Variants in SLC22A23 observed in about 807,000 individuals in gnomAD.
SLC22A23 encodes the protein ion transporter protein.
A neutral mutation model predicts 61.0 loss-of-function variants in SLC22A23; 26 were observed. That is an observed-to-expected ratio of 0.43 (90% CI 0.31 to 0.59). The LOEUF (loss-of-function observed/expected upper bound fraction) is 0.59. Among genes scored for constraint, SLC22A23 ranks in the 20% least tolerant of loss-of-function variants. The probability of loss-of-function intolerance (pLI) is 0.11; values close to 1 mark genes in which losing one functional copy is unlikely to be tolerated. For synonymous variants in SLC22A23, 430 were observed against 413.9 expected (o/e 1.04, Z -0.47); for missense variants, 796 against 934.7 (o/e 0.85, Z 1.94).
intron 3 of SLC22A23, among the ~76,000 whole-genome samples, chr6:3,388,101 T>C (rs904812681): frequency 2.0e-5 from 3 of 152,258 alleles, no homozygotes; most frequent in East Asian, 3.9e-4. Context: ...AATGGCTCAC[T>C]GGCCTAGATG....
chr6:3,306,991 C>T (rs996277232), intron 4 of SLC22A23, among the ~76,000 whole-genome samples: 6 of 152,198 alleles, frequency 3.9e-5, no homozygotes, highest in East Asian at 3.9e-4. Flanking sequence ...GTCTGCAGCG[C>T]GGTATGGATA....
At chr6:3,455,034 T>G (rs1157600713) in intron 1 of SLC22A23, among the ~76,000 whole-genome samples, 5 of 152,212 alleles carry the variant, frequency 3.3e-5, no homozygotes, top group Admixed American at 2.0e-4. Flanking sequence ...TGATATCTCT[T>G]ATATGTTAAG....
chr6:3,287,776 C>T (rs549104347), intron 6 of SLC22A23, among the ~76,000 whole-genome samples: 2 of 152,170 alleles, frequency 1.3e-5, no homozygotes, highest in Admixed American at 6.5e-5. Flanking sequence ...CTCCCCCTCC[C>T]TGGTTCAAGT....
intron 1 of SLC22A23, among the ~76,000 whole-genome samples, chr6:3,440,945 A>G (rs959038191): frequency 3.3e-5 from 5 of 152,350 alleles, no homozygotes; most frequent in African/African-American, 1.2e-4. Context: ...AGGGAGGTCA[A>G]CTGAAATTCC....
Position 3,298,157 on chromosome 6 carries a change from GC to G in SLC22A23, c.1143del (p.Arg381SerfsTer2). On this transcript the variant is annotated frameshift_variant, in exon 5 of 10. Coordinates refer to ENST00000406686, the MANE Select transcript of SLC22A23 (RefSeq NM_015482.2). LOFTEE classifies it high-confidence loss of function. ...TTCTTCTGTGTGAAGTGGAGGATCA[GC>G]CTCTTTGCAGACTCAAACTGCTGGG... ...MATQQFESAK[R>X]LILHFTQKNR... 1 of 1,592,580 alleles carries G rather than the reference GC, an allele frequency of 6.3e-7. No homozygotes were observed. Among genetic ancestry groups the G allele is most frequent in the Non-Finnish European group, 8.5e-7 (1 of 1,171,962 alleles).
In SLC22A23 at chr6:3,372,169, A is replaced by G. The variant is rs1766260609; in HGVS notation, c.913+38019T>C. Among the ~76,000 whole-genome samples, 1 of 152,216 alleles carries G rather than the reference A, an allele frequency of 6.6e-6. No homozygotes were observed. Among genetic ancestry groups the G allele is most frequent in the Non-Finnish European group, 1.5e-5 (1 of 68,040 alleles). ...GATCTGAGCTCTGCCTCGAGGGCACAGACTCCTGTGATGAGGCTGGACCAC... is the reference window on the plus strand; with the variant it reads ...GATCTGAGCTCTGCCTCGAGGGCACGGACTCCTGTGATGAGGCTGGACCAC... On this transcript the variant is annotated intron_variant, in intron 3 of 9. Coordinates refer to ENST00000406686, the MANE Select transcript of SLC22A23 (RefSeq NM_015482.2). The surrounding 1 kb of genome is among the most constrained non-coding windows in gnomAD (Gnocchi z 4.7).
intron 3 of SLC22A23, among the ~76,000 whole-genome samples, chr6:3,362,799 T>A (rs923545666): frequency 3.3e-5 from 5 of 152,088 alleles, no homozygotes; most frequent in Non-Finnish European, 7.3e-5. Context: ...AGAGGAAGCA[T>A]GAATGAAATG....
intron 4 of SLC22A23, among the ~76,000 whole-genome samples, chr6:3,301,185 A>G (rs778543168): frequency 6.6e-6 from 1 of 152,142 alleles, no homozygotes; most frequent in Admixed American, 6.5e-5. Context: ...CACCCCCCAT[A>G]GTTTAAGTTC....
chr6:3,381,848 A>G (rs1031805050), intron 3 of SLC22A23, among the ~76,000 whole-genome samples: 1 of 152,138 alleles, frequency 6.6e-6, no homozygotes, highest in African/African-American at 2.4e-5. Context: ...TGCTGCCACC[A>G]TGAGCAAGAC....
chr6:3,340,801 G>A (rs770311102), intron 3 of SLC22A23, among the ~76,000 whole-genome samples: 64 of 152,146 alleles, frequency 4.2e-4, no homozygotes, highest in Admixed American at 4.2e-3. Context: ...GGTTTTGATG[G>A]GATCTGTCTG....
chr6:3,404,190 C>A (rs1409895329), intron 3 of SLC22A23, among the ~76,000 whole-genome samples: 2 of 149,588 alleles, frequency 1.3e-5, no homozygotes, highest in African/African-American at 5.0e-5. Context: ...GTATTTGCTA[C>A]TATTTTCCTC....
In SLC22A23 at chr6:3,273,037, C is replaced by T. The variant is rs1378657166; in HGVS notation, c.*18G>A. 14 of 1,520,342 alleles carry T rather than the reference C, an allele frequency of 9.2e-6. No homozygotes were observed. Among genetic ancestry groups the T allele is most frequent in the Admixed American group, 4.0e-5 (2 of 49,926 alleles). 94.2% of individuals were successfully genotyped at this position (1,520,342 alleles called of 1,614,324 possible). A position where few individuals can be genotyped will look rare whatever the true frequency, so the allele number is the denominator to read the frequency against. On this transcript the variant is annotated 3_prime_UTR_variant, in exon 10 of 10. Transcript: ENST00000406686. ...CAAGCTGCCCCAGACCCTGGAGCCC[C>T]GGGTTCCGCAGGCCGGGCTACATGG...
At chr6:3,453,291 T>A (rs984257837) in intron 1 of SLC22A23, among the ~76,000 whole-genome samples, 1 of 152,204 alleles carries the variant, frequency 6.6e-6, no homozygotes, top group African/African-American at 2.4e-5. Context: ...CAAATAGGCA[T>A]GAGTTAACCT....
chr6:3,315,788 C>T (rs530928575), intron 4 of SLC22A23, among the ~76,000 whole-genome samples: 1 of 151,968 alleles, frequency 6.6e-6, no homozygotes, highest in African/African-American at 2.4e-5. Flanking sequence ...GGCGTGAACC[C>T]AGGAGGCAGA....
chr6:3,284,101 A>T, intron 8 of SLC22A23, 126 bp from the exon 9 acceptor site: 1 of 968,298 alleles, frequency 1.0e-6, no homozygotes, highest in Non-Finnish European at 1.5e-6. Context: ...TGGGTATGCA[A>T]TTCCCTCTGG....
intron 4 of SLC22A23, among the ~76,000 whole-genome samples, chr6:3,321,605 G>A (rs1032588675): frequency 4.6e-5 from 7 of 151,680 alleles, no homozygotes; most frequent in African/African-American, 9.7e-5. Context: ...ACAAAAACCC[G>A]GCCCTTCTCA....
At chr6:3,274,449 T>G (rs140170139) in intron 9 of SLC22A23, among the ~76,000 whole-genome samples, 2,424 of 152,238 alleles carry the variant, frequency 0.016, 26 homozygotes, top group Admixed American at 0.024. Flanking sequence ...GTCCTTTGGT[T>G]TGGGGAAGCT....
intron 3 of SLC22A23, among the ~76,000 whole-genome samples, chr6:3,345,216 C>T (rs1038993258): frequency 6.6e-6 from 1 of 152,006 alleles, no homozygotes; most frequent in Non-Finnish European, 1.5e-5. Flanking sequence ...GAATAGGTAC[C>T]GAGGTTCATT....
intron 3 of SLC22A23, among the ~76,000 whole-genome samples, chr6:3,374,839 A>C (rs1340912636): frequency 6.6e-6 from 1 of 152,086 alleles, no homozygotes; most frequent in Non-Finnish European, 1.5e-5. Flanking sequence ...TCCAAGTAAG[A>C]CCTCAGAGAA....
Sources: gnomAD v4.1 joint callset for allele counts (sites outside exome capture counted in the v4.1 genomes callset) on GRCh38, gnomAD v4.1.1 for gene constraint, Gnocchi (gnomAD v3.1) non-coding constraint, MANE v1.5 for transcripts, NCBI Gene and HGNC (gene_info 2026-07-23, HGNC 2026-07-21) for gene names.